The following KCND2 variants were observed in gnomAD, a reference collection of about 807,000 sequenced individuals.
The protein encoded by KCND2 is potassium voltage-gated channel subfamily D member 2, also known as A-type voltage-gated potassium channel KCND2.
KCND2 carries 16 observed loss-of-function variants against 54.4 expected under a neutral mutation model. The observed-to-expected ratio is 0.29, with a 90% CI of 0.20 to 0.45. KCND2 has a LOEUF of 0.45. Ranked by LOEUF, KCND2 falls within the 20% of genes least tolerant of loss-of-function variation. The probability of loss-of-function intolerance (pLI) is 1.00; values close to 1 mark genes in which losing one functional copy is unlikely to be tolerated. For missense variants in KCND2, 486 were observed against 824.2 expected, an observed-to-expected ratio of 0.59 and a Z score of 5.02; for synonymous variants, 317 against 310.7, an observed-to-expected ratio of 1.02 and a Z score of -0.21.
At chr7:120,699,643 A>G (rs1382967591) in intron 1 of KCND2, among the ~76,000 whole-genome samples, 1 of 152,218 alleles carries the variant, frequency 6.6e-6, no homozygotes, top group African/African-American at 2.4e-5. Context: ...ATCTTAAAGG[A>G]TGAATGAATT....
intron 1 of KCND2, among the ~76,000 whole-genome samples, chr7:120,428,797 AT>A (rs1282466348): frequency 2.0e-5 from 3 of 152,222 alleles, no homozygotes; most frequent in Non-Finnish European, 4.4e-5. Flanking sequence ...TAGATTTTCA[AT>A]CAAAAGAAAA....
At chr7:120,404,185 C>T (rs1349185226) in intron 1 of KCND2, among the ~76,000 whole-genome samples, 3 of 152,114 alleles carry the variant, frequency 2.0e-5, no homozygotes, top group Non-Finnish European at 4.4e-5. Flanking sequence ...CTGTACTTAC[C>T]TGTCAGCCAG....
chr7:120,598,666 A>G (rs1269573842), intron 1 of KCND2, among the ~76,000 whole-genome samples: 1 of 151,766 alleles, frequency 6.6e-6, no homozygotes. Context: ...AAATAATTGG[A>G]TTGTTTGTTC....
intron 1 of KCND2, among the ~76,000 whole-genome samples, chr7:120,485,046 C>A (rs925500522): frequency 3.3e-5 from 5 of 151,902 alleles, no homozygotes; most frequent in African/African-American, 1.2e-4. Context: ...GCCATCACTC[C>A]CAGCTAACTT....
At chr7:120,585,074 G>A (rs1057507184) in intron 1 of KCND2, among the ~76,000 whole-genome samples, 9 of 152,244 alleles carry the variant, frequency 5.9e-5, no homozygotes, top group African/African-American at 1.2e-4. Context: ...AAGGCATCTC[G>A]TAGTTCCTGA....
intron 1 of KCND2, among the ~76,000 whole-genome samples, chr7:120,657,901 G>T (rs1791822330): frequency 6.6e-6 from 1 of 151,918 alleles, no homozygotes; most frequent in Admixed American, 6.6e-5. Context: ...ATTTATCCAT[G>T]TGCTTTGCCT....
chr7:120,388,370 A>T (rs111544596), intron 1 of KCND2, among the ~76,000 whole-genome samples: 114 of 152,214 alleles, frequency 7.5e-4, no homozygotes, highest in African/African-American at 2.6e-3. Flanking sequence ...ATTAATTCAT[A>T]GCTCTCTATT....
chr7:120,660,295 A>G (rs566702932), intron 1 of KCND2, among the ~76,000 whole-genome samples: 2 of 152,356 alleles, frequency 1.3e-5, no homozygotes, highest in Non-Finnish European at 1.5e-5. Flanking sequence ...ACTAAAATGC[A>G]TACATTCTTT....
intron 1 of KCND2, among the ~76,000 whole-genome samples, chr7:120,279,375 A>G (rs947104216): frequency 6.6e-6 from 1 of 151,984 alleles, no homozygotes; most frequent in Non-Finnish European, 1.5e-5. Context: ...CTCATAATAT[A>G]AAACTTAAGA....
chr7:120,507,740 G>A lies in KCND2; in HGVS notation c.1116-225163G>A, dbSNP rs1215043720. ...CCTCCTGAATTTTCAGCCTTTGGGT[G>A]AGAAGAAATAAATTCTTATCTAACA... On this transcript the variant is annotated intron_variant, in intron 1 of 5. Coordinates refer to ENST00000331113, the MANE Select transcript of KCND2 (RefSeq NM_012281.3). Among the ~76,000 whole-genome samples the A allele has an allele frequency of 3.3e-5, 5 of 151,830 alleles. No homozygotes were observed. The East Asian group carries it at 9.7e-4, about 29-fold the overall frequency.
At chr7:120,353,907 T>G (rs1800452212) in intron 1 of KCND2, among the ~76,000 whole-genome samples, 1 of 152,202 alleles carries the variant, frequency 6.6e-6, no homozygotes, top group African/African-American at 2.4e-5. Flanking sequence ...ATTCATTGTT[T>G]AAAAATTACA....
At chr7:120,629,461 G>C (rs1793204106) in intron 1 of KCND2, among the ~76,000 whole-genome samples, 1 of 152,120 alleles carries the variant, frequency 6.6e-6, no homozygotes. Flanking sequence ...ACTCCATCCT[G>C]GGCGACAGAG....
chr7:120,395,988 C>T (rs932124385), intron 1 of KCND2, among the ~76,000 whole-genome samples: 1 of 152,030 alleles, frequency 6.6e-6, no homozygotes, highest in Non-Finnish European at 1.5e-5. Context: ...CCTGGGACTA[C>T]ATTTTGTGTT....
intron 1 of KCND2, among the ~76,000 whole-genome samples, chr7:120,319,069 C>G (rs1799855333): frequency 6.6e-6 from 1 of 152,058 alleles, no homozygotes; most frequent in African/African-American, 2.4e-5. Context: ...TCCTCTCCTT[C>G]CCTATCATAG....
chr7:120,551,668 C>T (rs1011455515), intron 1 of KCND2, among the ~76,000 whole-genome samples: 2 of 152,180 alleles, frequency 1.3e-5, no homozygotes, highest in African/African-American at 4.8e-5. Flanking sequence ...ATAGGTAAAC[C>T]ATGAGAGGTT....
At chr7:120,345,049 A>T (rs113233376) in intron 1 of KCND2, among the ~76,000 whole-genome samples, 23 of 152,176 alleles carry the variant, frequency 1.5e-4, no homozygotes, top group Non-Finnish European at 3.4e-4. Flanking sequence ...AAGAGCGTTG[A>T]ACTGATCTTA....
chr7:120,366,473 G>A (rs1175901421), intron 1 of KCND2, among the ~76,000 whole-genome samples: 1 of 137,104 alleles, frequency 7.3e-6, no homozygotes, highest in Non-Finnish European at 1.5e-5. Flanking sequence ...GGGTGACAGA[G>A]CAAGACTCCA....
chr7:120,561,901 T>C (rs2116411564), intron 1 of KCND2, among the ~76,000 whole-genome samples: 1 of 152,236 alleles, frequency 6.6e-6, no homozygotes, highest in Middle Eastern at 3.4e-3. Flanking sequence ...CATTCGCCAC[T>C]GCACCCGGCC....
intron 1 of KCND2, among the ~76,000 whole-genome samples, chr7:120,324,907 C>G (rs1397994107): frequency 7.3e-6 from 1 of 136,494 alleles, no homozygotes; most frequent in South Asian, 2.7e-4. Context: ...GCCATTTTCA[C>G]GATATTGATT....
Sources: gnomAD v4.1 joint callset for allele counts (sites outside exome capture counted in the v4.1 genomes callset) on GRCh38, gnomAD v4.1.1 for gene constraint, MANE v1.5 for transcripts, NCBI Gene and HGNC (gene_info 2026-07-23, HGNC 2026-07-21) for gene names.